Variants in CLSTN2 observed in about 807,000 individuals in gnomAD.
CLSTN2 encodes calsyntenin-2.
Under a neutral mutation model 101.2 loss-of-function variants are expected in CLSTN2, and 48 were observed. The observed-to-expected ratio is 0.47, with a 90% CI of 0.38 to 0.60. The LOEUF is 0.60. Among genes scored for constraint, CLSTN2 ranks in the 20% least tolerant of loss-of-function variants. The pLI is 0.00. For synonymous variants in CLSTN2, 481 were observed against 463.6 expected (o/e 1.04, Z -0.48); for missense variants, 1,160 against 1,238.2 (o/e 0.94, Z 0.95).
chr3:140,168,258 T>C (rs1481831752), intron 1 of CLSTN2, among the ~76,000 whole-genome samples: 1 of 152,196 alleles, frequency 6.6e-6, no homozygotes, highest in Non-Finnish European at 1.5e-5. Context: ...GGCTTCAATT[T>C]ACATGCCCCT....
intron 2 of CLSTN2, among the ~76,000 whole-genome samples, chr3:140,297,639 C>T (rs1439751644): frequency 6.6e-6 from 1 of 152,192 alleles, no homozygotes; most frequent in Non-Finnish European, 1.5e-5. Flanking sequence ...TCTTAGCTCA[C>T]AGGCCATATA....
At chr3:140,177,620 T>C (rs920250596) in intron 2 of CLSTN2, among the ~76,000 whole-genome samples, 2 of 151,812 alleles carry the variant, frequency 1.3e-5, no homozygotes, top group African/African-American at 4.8e-5. Flanking sequence ...TCAGAACCCA[T>C]CTCTACAAAA....
chr3:140,318,737 T>G lies in CLSTN2; in HGVS notation c.233-84892T>G, dbSNP rs1364298180. ...CCTTATTGGAGCCACCAGTCTGTGC[T>G]GGGAGATCTTAGGTGTTATTTGGAA... On this transcript the variant is annotated intron_variant, in intron 2 of 16. Coordinates refer to ENST00000458420, the MANE Select transcript of CLSTN2 (RefSeq NM_022131.3). 2.6e-5 allele frequency among the ~76,000 whole-genome samples: 4 copies of G among 152,224 alleles called. No individual in the cohort carries two copies. In the East Asian group the frequency reaches 7.7e-4, roughly 29 times the overall value.
At chr3:140,346,000 C>T (rs2087543126) in intron 2 of CLSTN2, among the ~76,000 whole-genome samples, 1 of 152,174 alleles carries the variant, frequency 6.6e-6, no homozygotes. Context: ...TGCATGGCTT[C>T]CCATGCTGGG....
chr3:140,576,797 C>T lies in CLSTN2; in HGVS notation c.*10544C>T, dbSNP rs1985745293. 1 of 152,238 alleles carries T rather than the reference C, an allele frequency of 6.6e-6. No individual in the cohort carries two copies. The highest frequency in any genetic ancestry group is 2.4e-5 in the African/African-American group (1 of 41,452). The allele number at this position is 152,238 out of a possible 1,614,324, so 9.4% of individuals were successfully genotyped here. A position where few individuals can be genotyped will look rare whatever the true frequency, so the allele number is the denominator to read the frequency against. On this transcript the variant is annotated 3_prime_UTR_variant, in exon 17 of 17. Transcript: ENST00000458420. ...ACCTGACATGTATCAGACTTCTGAGCTCTTCAAGCTGCCTCAAAGAATGAA... is the reference window on the plus strand; with the variant it reads ...ACCTGACATGTATCAGACTTCTGAGTTCTTCAAGCTGCCTCAAAGAATGAA...
Position 140,566,875 on chromosome 3 carries a change from G to A in CLSTN2, c.*622G>A, listed in dbSNP as rs1985273683. ...GCCTTTCCCCTTGCTTCTTTCTGAG[G>A]CCATATAAGCTTATAAGAAAAGTCC... On this transcript the variant is annotated 3_prime_UTR_variant, in exon 17 of 17. Coordinates refer to ENST00000458420, the MANE Select transcript of CLSTN2 (RefSeq NM_022131.3). The A allele has an allele frequency of 6.5e-6, 1 of 152,892 alleles. No individual in the cohort carries two copies. The highest frequency in any genetic ancestry group is 1.5e-5 in the Non-Finnish European group (1 of 68,812). The allele number at this position is 152,892 out of a possible 1,614,324, so 9.5% of individuals were successfully genotyped here.
At chr3:140,293,208 G>T (rs1475319483) in intron 2 of CLSTN2, among the ~76,000 whole-genome samples, 1 of 152,190 alleles carries the variant, frequency 6.6e-6, no homozygotes, top group African/African-American at 2.4e-5. Context: ...TGGTTCATTG[G>T]GTTGATAAGC....
chr3:140,013,572 A>G (rs1356566357), intron 1 of CLSTN2, among the ~76,000 whole-genome samples: 1 of 152,214 alleles, frequency 6.6e-6, no homozygotes, highest in Non-Finnish European at 1.5e-5. Context: ...ATCCAAATAT[A>G]TAAACTGCAT....
At chr3:140,281,777 AGAGG>A (rs1049032311) in intron 2 of CLSTN2, among the ~76,000 whole-genome samples, 9 of 127,394 alleles carry the variant, frequency 7.1e-5, no homozygotes, top group African/African-American at 1.7e-4. Context: ...AGAGAGAGAG[AGAGG>A]AGCCTGAAAA....
At chr3:140,427,184 A>ATATATATATATATATGTGTGTGTGTGT (rs1491323070) in intron 5 of CLSTN2, among the ~76,000 whole-genome samples, 1 of 94,166 alleles carries the variant, frequency 1.1e-5, no homozygotes, top group African/African-American at 8.1e-5. Flanking sequence ...AAAAAAAAAA[A>ATATATATATATATATGTGTGTGTGTGT]ATATATATAT....
intron 2 of CLSTN2, among the ~76,000 whole-genome samples, chr3:140,199,386 G>T (rs893486627): frequency 1.3e-5 from 2 of 151,912 alleles, no homozygotes; most frequent in African/African-American, 4.8e-5. Flanking sequence ...CACATTCTTG[G>T]GCTTCACCCC....
chr3:140,505,246 T>C (rs1210525683), intron 8 of CLSTN2, among the ~76,000 whole-genome samples: 6 of 152,206 alleles, frequency 3.9e-5, no homozygotes, highest in Admixed American at 3.9e-4. Context: ...GTGATGTTCA[T>C]GGCATGACCC....
intron 1 of CLSTN2, among the ~76,000 whole-genome samples, chr3:140,026,423 C>T (rs780251813): frequency 1.5e-4 from 23 of 152,138 alleles, no homozygotes; most frequent in Non-Finnish European, 2.4e-4. Context: ...TAAATGTGTC[C>T]CAAGGCTCAG....
chr3:140,297,722 A>G (rs899052554), intron 2 of CLSTN2, among the ~76,000 whole-genome samples: 6 of 152,210 alleles, frequency 3.9e-5, no homozygotes, highest in Non-Finnish European at 8.8e-5. Flanking sequence ...CAGCACTGTG[A>G]CCAGTGAACA....
Position 140,484,234 on chromosome 3 carries a change from G to A in CLSTN2, c.1344+17503G>A, listed in dbSNP as rs1934190268. On this transcript the variant is annotated intron_variant, in intron 8 of 16. Transcript: ENST00000458420. ...TCCTTCACTGATGAAGCTTAGTTTG[G>A]CTGGATATGAAATTCTGGGTTGAAA... Among the ~76,000 whole-genome samples the A allele has an allele frequency of 2.0e-5, 3 of 152,134 alleles. No individual in the cohort carries two copies. In the South Asian group the frequency reaches 6.2e-4, roughly 31 times the overall value.
At chr3:140,480,728 C>A (rs955486016) in intron 8 of CLSTN2, among the ~76,000 whole-genome samples, 14 of 152,038 alleles carry the variant, frequency 9.2e-5, no homozygotes, top group Admixed American at 7.2e-4. Flanking sequence ...CTGTCTTTTG[C>A]CTGCATAAAT....
intron 8 of CLSTN2, among the ~76,000 whole-genome samples, chr3:140,518,725 C>T (rs9880255): frequency 6.6e-6 from 1 of 152,304 alleles, no homozygotes; most frequent in East Asian, 1.9e-4. Flanking sequence ...CTCGGCTTTC[C>T]TGGTATGTTC....
chr3:140,101,028 A>T (rs774015607), intron 1 of CLSTN2, among the ~76,000 whole-genome samples: 1 of 152,348 alleles, frequency 6.6e-6, no homozygotes. Context: ...CTGGTTGGAA[A>T]GAAGCACCTG....
intron 1 of CLSTN2, among the ~76,000 whole-genome samples, chr3:139,983,615 T>A (rs1198962604): frequency 6.6e-6 from 1 of 152,120 alleles, no homozygotes; most frequent in African/African-American, 2.4e-5. Flanking sequence ...GTATGTAAAG[T>A]CCATTTTTAA....
Sources: gnomAD v4.1 joint callset for allele counts (sites outside exome capture counted in the v4.1 genomes callset) on GRCh38, gnomAD v4.1.1 for gene constraint, MANE v1.5 for transcripts, NCBI Gene and HGNC (gene_info 2026-07-23, HGNC 2026-07-21) for gene names.